The following DNMBP variants were observed in gnomAD, a reference collection of about 807,000 sequenced individuals.
DNMBP encodes the protein dynamin-binding protein.
DNMBP carries 87 observed loss-of-function variants against 150.0 expected under a neutral mutation model. The ratio of observed to expected loss-of-function variants is 0.58; its 90% CI spans 0.49 to 0.69. The LOEUF (loss-of-function observed/expected upper bound fraction) is 0.69, where lower values mean the gene tolerates loss of function less well. Among genes scored for constraint, DNMBP ranks in the 30% least tolerant of loss-of-function variants. The pLI is 0.00. For synonymous variants in DNMBP, 711 were observed against 750.4 expected (o/e 0.95, Z 0.86); for missense variants, 1,774 against 1,949.0 (o/e 0.91, Z 1.69).
chr10:100,007,238 C>T (rs2041083519), intron 1 of DNMBP, among the ~76,000 whole-genome samples: 1 of 152,164 alleles, frequency 6.6e-6, no homozygotes, highest in African/African-American at 2.4e-5. Flanking sequence ...CTAAAGTTCT[C>T]CACAGCATTA....
At chr10:99,978,463 G>T (rs2040750900) in intron 1 of DNMBP, among the ~76,000 whole-genome samples, 1 of 152,002 alleles carries the variant, frequency 6.6e-6, no homozygotes, top group Non-Finnish European at 1.5e-5. Context: ...TTTTTTGGAT[G>T]CATTTCAAAT....
chr10:99,914,005 G>A, intron 4 of DNMBP: 1 of 1,508,816 alleles, frequency 6.6e-7, no homozygotes, highest in Non-Finnish European at 8.9e-7. Context: ...AGGGTAAGCA[G>A]GCGGGACAGA....
intron 10 of DNMBP, among the ~76,000 whole-genome samples, chr10:99,895,943 C>T (rs768543268): frequency 2.6e-5 from 4 of 152,160 alleles, no homozygotes; most frequent in Admixed American, 6.5e-5. Context: ...TTAACGTTTC[C>T]TTCTTTGTAA....
At chr10:100,003,683 C>T (rs2041039591) in intron 1 of DNMBP, among the ~76,000 whole-genome samples, 1 of 151,998 alleles carries the variant, frequency 6.6e-6, no homozygotes, top group Non-Finnish European at 1.5e-5. Flanking sequence ...AGTGAGACCT[C>T]ATCTCTATTA....
At chr10:99,883,673 A>G (rs1262020237) in intron 15 of DNMBP, among the ~76,000 whole-genome samples, 1 of 144,710 alleles carries the variant, frequency 6.9e-6, no homozygotes, top group Non-Finnish European at 1.5e-5. Context: ...AAAAAATTTG[A>G]AAAGAGGGCA....
At chr10:99,987,148 C>T (rs2040836705) in intron 1 of DNMBP, among the ~76,000 whole-genome samples, 1 of 126,148 alleles carries the variant, frequency 7.9e-6, no homozygotes, top group South Asian at 2.5e-4. Flanking sequence ...GAGCAAGACT[C>T]CATCTCAAAA....
chr10:99,921,008 C>A (rs1350488294), intron 4 of DNMBP, among the ~76,000 whole-genome samples: 1 of 152,176 alleles, frequency 6.6e-6, no homozygotes, highest in Admixed American at 6.5e-5. Flanking sequence ...TTCATTTACT[C>A]CTCTCAGTTG....
chr10:99,922,527 T>TTAA, intron 4 of DNMBP, among the ~76,000 whole-genome samples: 1 of 78,964 alleles, frequency 1.3e-5, no homozygotes, highest in Non-Finnish European at 2.2e-5. Flanking sequence ...TTTTTTTTCT[T>TTAA]AAAAAAAAAA....
chr10:99,933,639 T>C (rs539361385), intron 4 of DNMBP, among the ~76,000 whole-genome samples: 7 of 152,366 alleles, frequency 4.6e-5, no homozygotes, highest in African/African-American at 1.7e-4. Context: ...AAGAGGCCCA[T>C]TGTGTCTGAA....
intron 1 of DNMBP, among the ~76,000 whole-genome samples, chr10:99,990,908 C>T (rs1343135808): frequency 4.0e-5 from 6 of 151,060 alleles, no homozygotes. Flanking sequence ...TTCTAAGCAA[C>T]ATCATTATTC....
chr10:99,913,203 T>C (rs902415826), intron 4 of DNMBP, among the ~76,000 whole-genome samples: 7 of 152,016 alleles, frequency 4.6e-5, no homozygotes, highest in Non-Finnish European at 1.0e-4. Context: ...CCAGCTGTGG[T>C]GGAAAAAGAA....
chr10:99,968,716 G>A (rs1436295741), intron 3 of DNMBP, among the ~76,000 whole-genome samples: 1 of 150,478 alleles, frequency 6.6e-6, no homozygotes, highest in Non-Finnish European at 1.5e-5. Context: ...GAGAGAGAGA[G>A]CATGAGCCTG....
At chr10:99,912,470 CGTGCCTTCCCCT>C (rs1262858384) in intron 4 of DNMBP, among the ~76,000 whole-genome samples, 2 of 152,130 alleles carry the variant, frequency 1.3e-5, no homozygotes, top group Non-Finnish European at 2.9e-5. Flanking sequence ...AAACTACCAG[CGTGCCTTCCCCT>C]GTGCCCCCAC....
In DNMBP at chr10:100,009,930, G is replaced by T. The variant is rs1244414273; in HGVS notation, c.-103C>A. Reference sequence around the variant, plus strand: ...GTCACCTCCGCCCCTGGAAGCGGCGGGCGGGTCGATCCCGTGTGAGTCAGC... The same window carrying T: ...GTCACCTCCGCCCCTGGAAGCGGCGTGCGGGTCGATCCCGTGTGAGTCAGC... On this transcript the variant is annotated 5_prime_UTR_variant, in exon 1 of 17. Coordinates refer to ENST00000324109, the MANE Select transcript of DNMBP (RefSeq NM_015221.4). 6.7e-6 allele frequency: 1 copy of T among 148,272 alleles called. No individual in the cohort carries two copies. Among genetic ancestry groups the T allele is most frequent in the African/African-American group, 2.4e-5 (1 of 41,060 alleles). The allele number at this position is 148,272 out of a possible 1,614,324, so 9.2% of individuals were successfully genotyped here. A position where few individuals can be genotyped will look rare whatever the true frequency, so the allele number is the denominator to read the frequency against.
intron 11 of DNMBP, among the ~76,000 whole-genome samples, 153 bp downstream of exon 11, chr10:99,894,793 A>G (rs2039626656): frequency 6.6e-6 from 1 of 152,240 alleles, no homozygotes; most frequent in Non-Finnish European, 1.5e-5. Context: ...ACTGTTAAAT[A>G]ACCTACTGGC....
intron 4 of DNMBP, among the ~76,000 whole-genome samples, chr10:99,927,969 G>A (rs934813905): frequency 1.3e-5 from 2 of 152,210 alleles, no homozygotes; most frequent in Non-Finnish European, 2.9e-5. Context: ...GGGAAGGGAA[G>A]AGGAACAATA....
chr10:99,959,202 T>C (rs576347062), intron 3 of DNMBP, among the ~76,000 whole-genome samples: 2 of 152,372 alleles, frequency 1.3e-5, no homozygotes, highest in East Asian at 3.8e-4. Flanking sequence ...AAATATGTTA[T>C]TTACGTAAAT....
Position 99,885,653 on chromosome 10 carries a change from G to A in DNMBP, c.3798+34C>T, listed in dbSNP as rs551463478. On this transcript the variant is annotated intron_variant, in intron 14 of 16. Transcript: ENST00000324109. ...CTGCAGGGTTCCCCCTCTTTACCCC[G>A]AGGCGGGGCTGCTGCTCTCAGTTCC... 38 of 1,534,392 alleles carry A rather than the reference G, an allele frequency of 2.5e-5. No individual in the cohort carries two copies. The East Asian group carries it at 3.4e-4, about 14-fold the overall frequency.
At chr10:99,937,529 TAAG>T (rs1055343022) in intron 4 of DNMBP, among the ~76,000 whole-genome samples, 2 of 152,180 alleles carry the variant, frequency 1.3e-5, no homozygotes, top group African/African-American at 4.8e-5. Context: ...GGCACTAGAC[TAAG>T]AAGAATATCT....
Sources: allele counts gnomAD v4.1 joint callset (sites outside exome capture counted in the v4.1 genomes callset), GRCh38; gene constraint gnomAD v4.1.1; transcripts MANE v1.5; gene names NCBI Gene and HGNC (gene_info 2026-07-23, HGNC 2026-07-21).